Variants in COMMD10 observed in about 807,000 individuals in gnomAD.
The protein encoded by COMMD10 is COMM domain-containing protein 10.
In COMMD10, 33 loss-of-function variants were observed where a neutral mutation model predicts 28.9. The ratio of observed to expected loss-of-function variants is 1.14; its 90% CI spans 0.87 to 1.53. COMMD10 has a LOEUF of 1.53. COMMD10 is among the 40% of genes most tolerant of loss of function. COMMD10 has a pLI of 0.00. For missense variants in COMMD10, 310 were observed against 233.4 expected, an observed-to-expected ratio of 1.33 and a Z score of -2.14; for synonymous variants, 110 against 81.7, an observed-to-expected ratio of 1.35 and a Z score of -1.87.
intron 5 of COMMD10, among the ~76,000 whole-genome samples, chr5:116,242,424 C>T (rs1164300185): frequency 1.3e-5 from 2 of 152,170 alleles, no homozygotes; most frequent in African/African-American, 4.8e-5. Context: ...CCGTGCAAGT[C>T]ATTTTAACAG....
At chr5:116,183,530 C>T (rs972054000) in intron 5 of COMMD10, among the ~76,000 whole-genome samples, 2 of 151,884 alleles carry the variant, frequency 1.3e-5, no homozygotes, top group Non-Finnish European at 2.9e-5. Context: ...AATTATAGGC[C>T]TCCTTGAAAT....
intron 5 of COMMD10, among the ~76,000 whole-genome samples, chr5:116,135,973 CTAGTA>C (rs1279517310): frequency 6.6e-6 from 1 of 152,050 alleles, no homozygotes; most frequent in Non-Finnish European, 1.5e-5. Flanking sequence ...GACTAAATAC[CTAGTA>C]TATGTAAAGT....
intron 5 of COMMD10, among the ~76,000 whole-genome samples, chr5:116,226,204 T>G (rs1749389996): frequency 6.6e-6 from 1 of 152,038 alleles, no homozygotes; most frequent in African/African-American, 2.4e-5. Context: ...TTTAATCTAG[T>G]ATCTTATTAT....
intron 5 of COMMD10, among the ~76,000 whole-genome samples, chr5:116,150,070 C>A (rs1274781077): frequency 6.6e-6 from 1 of 152,132 alleles, no homozygotes; most frequent in East Asian, 1.9e-4. Flanking sequence ...CAGCTTTCTA[C>A]ATATGGCTAG....
chr5:116,225,579 C>T (rs191688506), intron 5 of COMMD10, among the ~76,000 whole-genome samples: 20 of 152,092 alleles, frequency 1.3e-4, no homozygotes, highest in Admixed American at 4.6e-4. Flanking sequence ...ACCTATAGGT[C>T]CCCCTTGTAT....
At chr5:116,127,368 C>A (rs1021932130) in intron 4 of COMMD10, among the ~76,000 whole-genome samples, 2 of 152,262 alleles carry the variant, frequency 1.3e-5, no homozygotes, top group East Asian at 1.9e-4. Flanking sequence ...GACAGTGTGG[C>A]GATTCCTCAA....
chr5:116,278,870 C>T (rs1302958694), intron 5 of COMMD10, among the ~76,000 whole-genome samples: 1 of 151,748 alleles, frequency 6.6e-6, no homozygotes, highest in African/African-American at 2.4e-5. Flanking sequence ...GTAAACAAGA[C>T]TTATAAGACC....
At chr5:116,153,321 A>AG (rs1752598880) in intron 5 of COMMD10, among the ~76,000 whole-genome samples, 1 of 151,894 alleles carries the variant, frequency 6.6e-6, no homozygotes, top group South Asian at 2.1e-4. Context: ...TTGGAGGCTG[A>AG]GGGGGCATCT....
chr5:116,203,867 C>G (rs1186657706), intron 5 of COMMD10, among the ~76,000 whole-genome samples: 2 of 151,772 alleles, frequency 1.3e-5, no homozygotes, highest in Non-Finnish European at 2.9e-5. Flanking sequence ...ATCATAATGA[C>G]AGGATCAAAT....
rs1014226648 is a variant in COMMD10, at chr5:116,268,037, G to A, written c.511-23480G>A. On this transcript the variant is annotated intron_variant, in intron 5 of 6. Transcript: ENST00000274458. Reference sequence around the variant, plus strand: ...GCAATACCATTCAGGACATAGGCATGGGCAAGGACTTCATGTCTAAAACAC... The same window carrying A: ...GCAATACCATTCAGGACATAGGCATAGGCAAGGACTTCATGTCTAAAACAC... 1.1e-4 allele frequency among the ~76,000 whole-genome samples: 16 copies of A among 151,858 alleles called. No homozygotes were observed. The East Asian group carries it at 1.4e-3, about 13-fold the overall frequency.
At chr5:116,181,366 T>C (rs1331195942) in intron 5 of COMMD10, among the ~76,000 whole-genome samples, 1 of 151,076 alleles carries the variant, frequency 6.6e-6, no homozygotes, top group East Asian at 1.9e-4. Context: ...GATTATGCTT[T>C]ATATCTTCTA....
intron 4 of COMMD10, among the ~76,000 whole-genome samples, chr5:116,121,627 A>C (rs889228548): frequency 6.6e-6 from 1 of 152,136 alleles, no homozygotes; most frequent in African/African-American, 2.4e-5. Context: ...ATTTCTCCAC[A>C]TCCTCTTCAG....
intron 5 of COMMD10, among the ~76,000 whole-genome samples, chr5:116,234,560 T>G (rs1173327307): frequency 6.6e-6 from 1 of 151,386 alleles, no homozygotes; most frequent in Non-Finnish European, 1.5e-5. Flanking sequence ...TGATGTAGAC[T>G]GCTTGTGCCA....
chr5:116,117,493 G>C (rs963548685), intron 4 of COMMD10, among the ~76,000 whole-genome samples: 2 of 152,064 alleles, frequency 1.3e-5, no homozygotes, highest in African/African-American at 4.8e-5. Context: ...GTAGGGTCTC[G>C]CTCTGTGGCC....
At chr5:116,274,825 G>C (rs978013819) in intron 5 of COMMD10, among the ~76,000 whole-genome samples, 1 of 151,628 alleles carries the variant, frequency 6.6e-6, no homozygotes, top group Non-Finnish European at 1.5e-5. Flanking sequence ...TGATCTTCTT[G>C]ACACATTTGC....
intron 4 of COMMD10, among the ~76,000 whole-genome samples, chr5:116,121,256 T>A (rs143584637): frequency 6.6e-6 from 1 of 152,300 alleles, no homozygotes; most frequent in East Asian, 1.9e-4. Context: ...CTTGTGATAG[T>A]TTGCTGAGAA....
At chr5:116,244,237 G>C (rs1314910628) in intron 5 of COMMD10, among the ~76,000 whole-genome samples, 1 of 151,876 alleles carries the variant, frequency 6.6e-6, no homozygotes, top group African/African-American at 2.4e-5. Context: ...AAAACAACTT[G>C]TCTACATCAC....
chr5:116,199,417 A>T (rs534018656), intron 5 of COMMD10, among the ~76,000 whole-genome samples: 3 of 151,990 alleles, frequency 2.0e-5, no homozygotes, highest in Non-Finnish European at 4.4e-5. Flanking sequence ...TTGTCTTTTT[A>T]TTCTCTTAAC....
chr5:116,249,872 T>C (rs958571624), intron 5 of COMMD10, among the ~76,000 whole-genome samples: 1 of 151,900 alleles, frequency 6.6e-6, no homozygotes, highest in African/African-American at 2.4e-5. Context: ...ACAATGACAG[T>C]AAAGTAATAA....
Sources: gnomAD v4.1 joint callset for allele counts (sites outside exome capture counted in the v4.1 genomes callset) on GRCh38, gnomAD v4.1.1 for gene constraint, MANE v1.5 for transcripts, NCBI Gene and HGNC (gene_info 2026-07-23, HGNC 2026-07-21) for gene names.